TMEM117: variants seen among roughly 807,000 people sequenced by gnomAD.
TMEM117 encodes transmembrane protein 117.
A neutral mutation model predicts 52.4 loss-of-function variants in TMEM117; 27 were observed. The observed-to-expected ratio is 0.51, with a 90% CI of 0.38 to 0.71. The LOEUF is 0.71. Ranked by LOEUF, TMEM117 falls within the 30% of genes least tolerant of loss-of-function variation. The pLI is 0.00. For missense variants in TMEM117, 556 were observed against 630.5 expected (o/e 0.88, Z 1.26); for synonymous variants, 215 against 206.3 (o/e 1.04, Z -0.36).
intron 3 of TMEM117, among the ~76,000 whole-genome samples, chr12:43,950,387 T>A (rs1945199427): frequency 6.6e-6 from 1 of 151,532 alleles, no homozygotes; most frequent in East Asian, 1.9e-4. Flanking sequence ...AGGAACAAAA[T>A]GACTTTAAAC....
chr12:44,365,403 T>C (rs1301411247), intron 6 of TMEM117, among the ~76,000 whole-genome samples: 3 of 152,010 alleles, frequency 2.0e-5, no homozygotes, highest in Admixed American at 2.0e-4. Flanking sequence ...GCATGATAGT[T>C]GGGCTTAAAG....
the TMEM117 span, among the ~76,000 whole-genome samples, chr12:43,824,602 C>T: frequency 6.6e-6 from 1 of 152,094 alleles, no homozygotes; most frequent in Admixed American, 6.6e-5. Flanking sequence ...GAGAGGCTAG[C>T]GTGGGGCCTT....
chr12:44,299,806 A>G lies in TMEM117; in HGVS notation c.768+67A>G, dbSNP rs1305538408. ...CTGTTCCCAGTATAACAAACAGGAT[A>G]TGGCAACAGGCTCCATAAATCTAAA... On this transcript the variant is annotated intron_variant, in intron 6 of 7. Coordinates refer to ENST00000266534, the MANE Select transcript of TMEM117 (RefSeq NM_032256.3). The G allele has an allele frequency of 5.8e-6, 9 of 1,557,866 alleles. No individual in the cohort carries two copies. In the East Asian group the frequency reaches 2.0e-4, roughly 35 times the overall value.
chr12:43,802,293 T>A, the TMEM117 span: 4 of 1,515,412 alleles, frequency 2.6e-6, no homozygotes, highest in South Asian at 2.7e-5. Context: ...TACATGAGAA[T>A]GATCTGGAGA....
intron 5 of TMEM117, among the ~76,000 whole-genome samples, chr12:44,262,748 G>A (rs1042607961): frequency 2.6e-5 from 4 of 152,056 alleles, no homozygotes; most frequent in Non-Finnish European, 5.9e-5. Flanking sequence ...CACCACGCCC[G>A]GCTAATATTT....
intron 4 of TMEM117, among the ~76,000 whole-genome samples, chr12:44,173,660 T>C (rs1352918846): frequency 6.6e-6 from 1 of 151,992 alleles, no homozygotes; most frequent in African/African-American, 2.4e-5. Context: ...TTAATGTTTC[T>C]CTATCAGATT....
chr12:44,224,666 C>T (rs1393378068), intron 5 of TMEM117, among the ~76,000 whole-genome samples: 1 of 152,098 alleles, frequency 6.6e-6, no homozygotes, highest in Admixed American at 6.6e-5. Flanking sequence ...GTCTCTGAAA[C>T]TCTATCGCCA....
At chr12:43,937,600 A>G (rs1041399725) in intron 2 of TMEM117, among the ~76,000 whole-genome samples, 1 of 152,182 alleles carries the variant, frequency 6.6e-6, no homozygotes, top group Non-Finnish European at 1.5e-5. Flanking sequence ...GAGGTGGCTT[A>G]TAGATGGGGA....
chr12:44,092,433 C>A (rs1592508572), intron 3 of TMEM117, among the ~76,000 whole-genome samples: 1 of 152,152 alleles, frequency 6.6e-6, no homozygotes, highest in Non-Finnish European at 1.5e-5. Flanking sequence ...AGGGGCTTTC[C>A]TAAGTGCAGT....
At chr12:44,116,085 C>A (rs1458363131) in intron 3 of TMEM117, among the ~76,000 whole-genome samples, 1 of 152,196 alleles carries the variant, frequency 6.6e-6, no homozygotes, top group Admixed American at 6.5e-5. Flanking sequence ...AATATTCTTG[C>A]TGAAGTCAAT....
intron 2 of TMEM117, among the ~76,000 whole-genome samples, chr12:43,850,872 GTGA>G (rs146867925): frequency 0.037 from 5,619 of 150,526 alleles, 251 homozygotes; most frequent in African/African-American, 0.099. Flanking sequence ...GATGATGATG[GTGA>G]TGATGATGAT....
chr12:44,106,073 G>C (rs1276657358), intron 3 of TMEM117, among the ~76,000 whole-genome samples: 2 of 151,948 alleles, frequency 1.3e-5, no homozygotes, highest in Non-Finnish European at 2.9e-5. Context: ...TTCCCTCAGA[G>C]GTTTCTACTT....
At chr12:43,882,676 C>A (rs1041411335) in intron 2 of TMEM117, among the ~76,000 whole-genome samples, 1 of 152,090 alleles carries the variant, frequency 6.6e-6, no homozygotes, top group Non-Finnish European at 1.5e-5. Context: ...ATTTTAAATT[C>A]ACTTTAGGTC....
At chr12:43,835,057 C>A (rs979388072), upstream of TMEM117, among the ~76,000 whole-genome samples, 1 of 152,140 alleles carries the variant, frequency 6.6e-6, no homozygotes, top group African/African-American at 2.4e-5. Flanking sequence ...TCCTATTTTC[C>A]ATTTGATTAT....
intron 5 of TMEM117, among the ~76,000 whole-genome samples, chr12:44,220,687 T>C (rs1025310456): frequency 2.6e-5 from 4 of 151,966 alleles, no homozygotes; most frequent in Non-Finnish European, 5.9e-5. Context: ...GGGTAGAGAA[T>C]ATAGAAGATG....
intron 2 of TMEM117, among the ~76,000 whole-genome samples, chr12:43,941,163 C>T (rs956481854): frequency 1.4e-4 from 22 of 152,172 alleles, no homozygotes; most frequent in Non-Finnish European, 2.2e-4. Flanking sequence ...CTCAGATTTA[C>T]AAATATTCAT....
Position 44,142,216 on chromosome 12 carries a change from A to G in TMEM117, c.411-1309A>G, listed in dbSNP as rs563212941. Among the ~76,000 whole-genome samples the G allele has an allele frequency of 1.7e-3, 259 of 152,294 alleles. 1 individual carries two copies. The highest frequency in any genetic ancestry group is 3.4e-3 in the Middle Eastern group (1 of 294). On this transcript the variant is annotated intron_variant, in intron 3 of 7. Transcript: ENST00000266534. Reference sequence around the variant, plus strand: ...CACTGTATTTAAAGTGGTAATAACTATCTTTGGCACCTTATAAGCATGCAA... The same window carrying G: ...CACTGTATTTAAAGTGGTAATAACTGTCTTTGGCACCTTATAAGCATGCAA...
intron 3 of TMEM117, among the ~76,000 whole-genome samples, chr12:44,131,459 T>G (rs569827721): frequency 6.6e-6 from 1 of 152,244 alleles, no homozygotes; most frequent in South Asian, 2.1e-4. Context: ...GTGCATTCTG[T>G]AGTTGTGGGG....
At chr12:44,179,361 A>C (rs1446733016) in intron 4 of TMEM117, among the ~76,000 whole-genome samples, 1 of 152,200 alleles carries the variant, frequency 6.6e-6, no homozygotes, top group Non-Finnish European at 1.5e-5. Context: ...CCAAGTCCAA[A>C]AGCCTCAAAA....
Sources: gnomAD v4.1 joint callset for allele counts (sites outside exome capture counted in the v4.1 genomes callset) on GRCh38, gnomAD v4.1.1 for gene constraint, MANE v1.5 for transcripts, NCBI Gene and HGNC (gene_info 2026-07-23, HGNC 2026-07-21) for gene names.